The following CLCN6 variants were observed in gnomAD, a reference collection of about 807,000 sequenced individuals.
The protein encoded by CLCN6 is H(+)/Cl(-) exchange transporter 6.
CLCN6 carries 70 observed loss-of-function variants against 109.8 expected under a neutral mutation model. The ratio of observed to expected loss-of-function variants is 0.64; its 90% CI spans 0.53 to 0.78. The LOEUF (loss-of-function observed/expected upper bound fraction) is 0.78. CLCN6 is among the 30% of genes least tolerant of loss of function. The pLI is 0.00. For missense variants in CLCN6, 984 were observed against 1,142.3 expected, an observed-to-expected ratio of 0.86 and a Z score of 2.00; for synonymous variants, 444 against 447.8, an observed-to-expected ratio of 0.99 and a Z score of 0.11.
At chr1:11,825,526 C>G (rs1368887322) in intron 8 of CLCN6, among the ~76,000 whole-genome samples, 1 of 152,228 alleles carries the variant, frequency 6.6e-6, no homozygotes, top group Non-Finnish European at 1.5e-5. Context: ...CTTGTTGACT[C>G]TGCACAAAAT....
At position 11,834,084 on chromosome 1, in the gene CLCN6, G is replaced by T. The variant is rs115563697; in HGVS notation, c.1526+54G>T. Reference sequence around the variant, plus strand: ...CATGTGCATGTGTGTGCACGTGTGCGTGTGTATGCATGTGTGTGCGTGTGC... The same window carrying T: ...CATGTGCATGTGTGTGCACGTGTGCTTGTGTATGCATGTGTGTGCGTGTGC... On this transcript the variant is annotated intron_variant, in intron 15 of 22. Coordinates refer to ENST00000346436, the MANE Select transcript of CLCN6 (RefSeq NM_001286.5). This position sits in a 1 kb window ranked among gnomAD's most constrained non-coding sequence, Gnocchi z 4.5. 1 of 1,602,140 alleles carries T rather than the reference G, an allele frequency of 6.2e-7. No homozygotes were observed. The highest frequency in any genetic ancestry group is 8.5e-7 in the Non-Finnish European group (1 of 1,174,054).
In CLCN6 at chr1:11,840,665, A is replaced by G. The variant is rs535238461; in HGVS notation, c.*442A>G. 3 of 245,732 alleles carry G rather than the reference A, an allele frequency of 1.2e-5. No homozygotes were observed. In the East Asian group the frequency reaches 2.7e-4, roughly 22 times the overall value. The allele number at this position is 245,732 out of a possible 1,614,324, so 15.2% of individuals were successfully genotyped here. ...GCTGGGGAGATGCCAGTGACAACAT[A>G]CAGTTCATGACTAGGTTTAGGAATT... On this transcript the variant is annotated 3_prime_UTR_variant, in exon 23 of 23. Transcript: ENST00000346436.
chr1:11,824,991 G>T (rs1162991553), intron 8 of CLCN6, among the ~76,000 whole-genome samples: 1 of 152,174 alleles, frequency 6.6e-6, no homozygotes, highest in Non-Finnish European at 1.5e-5. Flanking sequence ...TGTGCCAGAC[G>T]CCATGTATAC....
chr1:11,818,357 C>T (rs1373564127), intron 4 of CLCN6, among the ~76,000 whole-genome samples: 1 of 151,978 alleles, frequency 6.6e-6, no homozygotes, highest in African/African-American at 2.4e-5. Flanking sequence ...TACTCATTGG[C>T]GCATTCAGAT....
chr1:11,829,635 TGGCGTCACAGAGGGGAACCTGGG>T, intron 13 of CLCN6, among the ~76,000 whole-genome samples: 1 of 139,866 alleles, frequency 7.1e-6, no homozygotes, highest in African/African-American at 2.8e-5. Flanking sequence ...GGAACAACCC[TGGCGTCACAGAGGGGAACCTGGG>T]AACAACCCTG....
In CLCN6 at chr1:11,816,493, T is replaced by A. The variant is rs1644674062; in HGVS notation, c.214-122T>A. The A allele has an allele frequency of 3.5e-6, 3 of 867,640 alleles. No individual in the cohort carries two copies. The Admixed American group carries it at 6.6e-5, about 19-fold the overall frequency. 53.7% of individuals were successfully genotyped at this position (867,640 alleles called of 1,614,324 possible). A position where few individuals can be genotyped will look rare whatever the true frequency, so the allele number is the denominator to read the frequency against. On this transcript the variant is annotated intron_variant, in intron 3 of 22. Coordinates refer to ENST00000346436, the MANE Select transcript of CLCN6 (RefSeq NM_001286.5). ...CTGTAAAGCACCTGAAATCCCAACA[T>A]CATCTTTACTGTGCCTGCTCTCCAC...
intron 4 of CLCN6, 63 bp from the exon 5 acceptor site, chr1:11,819,425 C>A: frequency 6.9e-7 from 1 of 1,444,090 alleles, no homozygotes; most frequent in Non-Finnish European, 9.8e-7. Flanking sequence ...AGGAGCACAC[C>A]TGTACTATAC....
rs745834239 is a variant in CLCN6 at position 11,807,186 on chromosome 1, A to G, written c.143A>G (p.Tyr48Cys). The change falls in exon 2 of 23, where the codon TAT becomes TGT. Residue 48 changes from tyrosine (Y) to cysteine (C), a missense_variant. By Grantham distance (194) the Tyr-to-Cys change is radical (BLOSUM62 -2). Coordinates refer to ENST00000346436, the MANE Select transcript of CLCN6 (RefSeq NM_001286.5). ...EEDEILPRKD[Y>C]ESLDYDRCIN... ...GATGAGATTCTTCCAAGGAAAGACT[A>G]TGAGGTGAGCTCCTTTGATACTGCT... 5 of 1,613,938 alleles carry G rather than the reference A, an allele frequency of 3.1e-6. No individual in the cohort carries two copies. The African/African-American group carries it at 5.3e-5, about 17-fold the overall frequency.
At chr1:11,836,452 C>T (rs1557434203) in intron 18 of CLCN6, among the ~76,000 whole-genome samples, 2 of 152,114 alleles carry the variant, frequency 1.3e-5, no homozygotes, top group Non-Finnish European at 2.9e-5. Flanking sequence ...CTAGAGATGC[C>T]AGCAACAGAA....
Position 11,806,298 on chromosome 1 carries a change from C to A in CLCN6, c.36C>A (p.Cys12Ter). Residue 12 changes from cysteine (C) to a stop codon, truncating the protein, a stop_gained, in exon 1 of 23, where the codon TGC (cysteine) becomes TGA (stop). Transcript: ENST00000346436. LOFTEE classifies it high-confidence loss of function. The stretch of plus-strand genomic sequence containing the variant: ...GCAGGGGGTCTCTGTGCTGCTGCTG[C>A]AGGTGGTGCTGCTGCTGCGGTGAGC... ...AGCRGSLCCC[C>*]RWCCCCGERE... The A allele has an allele frequency of 6.6e-7, 1 of 1,510,106 alleles. No individual in the cohort carries two copies. The highest frequency in any genetic ancestry group is 1.3e-5 in the South Asian group (1 of 74,886). 93.5% of individuals were successfully genotyped at this position (1,510,106 alleles called of 1,614,324 possible). A position where few individuals can be genotyped will look rare whatever the true frequency, so the allele number is the denominator to read the frequency against.
intron 2 of CLCN6, among the ~76,000 whole-genome samples, chr1:11,810,458 C>T (rs1482042660): frequency 6.6e-6 from 1 of 152,180 alleles, no homozygotes. Flanking sequence ...ACCCCTAGCT[C>T]ACAACCAGTT....
rs769197673 is a variant in CLCN6, at chr1:11,840,239, T to A, written c.*16T>A. The A allele has an allele frequency of 6.2e-7, 1 of 1,607,616 alleles. No individual in the cohort carries two copies. The highest frequency in any genetic ancestry group is 8.5e-7 in the Non-Finnish European group (1 of 1,176,982). ...GACCATCTGACAGCCCAGCCCACCCTCTCCTGGTGCTGCCTGGGGAGGCAA... is the reference window on the plus strand; with the variant it reads ...GACCATCTGACAGCCCAGCCCACCCACTCCTGGTGCTGCCTGGGGAGGCAA... On this transcript the variant is annotated 3_prime_UTR_variant, in exon 23 of 23. Coordinates refer to ENST00000346436, the MANE Select transcript of CLCN6 (RefSeq NM_001286.5).
At chr1:11,812,257 A>G (rs560371519) in intron 2 of CLCN6, among the ~76,000 whole-genome samples, 1 of 152,340 alleles carries the variant, frequency 6.6e-6, no homozygotes, top group African/African-American at 2.4e-5. Context: ...TTGCTAGTTT[A>G]TTAATAAAGG....
In CLCN6 at chr1:11,827,174, C is replaced by G. The variant is rs1158510868; in HGVS notation, c.793C>G (p.Leu265Val). ...GCCAATCGGGGGTACCTTGTTCAGT[C>G]TAGAGGAGGGTTCGTCCTTCTGGAA... is the stretch of plus-strand genomic sequence containing the variant. ...GAPIGGTLFS[L>V]EEGSSFWNQG... Residue 265 changes from leucine to valine, a missense_variant, in exon 10 of 23, where the codon CTA becomes GTA. Transcript: ENST00000346436. 3 of 1,613,716 alleles carry G rather than the reference C, an allele frequency of 1.9e-6. No individual in the cohort carries two copies. The highest frequency in any genetic ancestry group is 2.5e-6 in the Non-Finnish European group (3 of 1,179,846).
At position 11,834,249 on chromosome 1, in the gene CLCN6, G is replaced by C. The variant is rs774130337; in HGVS notation, c.1540G>C (p.Gly514Arg). Reference protein sequence around the residue: ...ANVLKSYIGLGHIYSGTFALI... With the variant: ...ANVLKSYIGLRHIYSGTFALI... ...TTCCTTCACTAGCTACATTGGATTG[G>C]GCCACATCTATTCGGGGACCTTTGC... is the stretch of plus-strand genomic sequence containing the variant. The change falls in exon 16 of 23, where the codon GGC becomes CGC. Residue 514 changes from glycine to arginine, a missense_variant. Coordinates refer to ENST00000346436, the MANE Select transcript of CLCN6 (RefSeq NM_001286.5). The surrounding 1 kb of genome is among the most constrained non-coding windows in gnomAD (Gnocchi z 4.5). 3 of 1,613,560 alleles carry C rather than the reference G, an allele frequency of 1.9e-6. No homozygotes were observed. In the African/African-American group the frequency reaches 4.0e-5, roughly 22 times the overall value.
rs530922728 is a variant in CLCN6, at chr1:11,831,863, C to T, written c.1249-1652C>T. On this transcript the variant is annotated intron_variant, in intron 13 of 22. Coordinates refer to ENST00000346436, the MANE Select transcript of CLCN6 (RefSeq NM_001286.5). ...CACATCCAGCTTATTTTTATAGAGA[C>T]AGGATCTCACTATGTTGCCCAGGCT... is the stretch of plus-strand genomic sequence containing the variant. 1.7e-3 allele frequency among the ~76,000 whole-genome samples: 257 copies of T among 152,184 alleles called. 3 individuals are homozygous for T. Among genetic ancestry groups the T allele is most frequent in the Admixed American group, 2.4e-3 (36 of 15,284 alleles).
At position 11,806,284 on chromosome 1, in the gene CLCN6, C is replaced by A; in HGVS notation, c.22C>A (p.Leu8Met). 1 of 1,502,426 alleles carries A rather than the reference C, an allele frequency of 6.7e-7. No homozygotes were observed. Among genetic ancestry groups the A allele is most frequent in the Non-Finnish European group, 8.8e-7 (1 of 1,135,988 alleles). 93.1% of individuals were successfully genotyped at this position (1,502,426 alleles called of 1,614,324 possible). A position where few individuals can be genotyped will look rare whatever the true frequency, so the allele number is the denominator to read the frequency against. The change falls in exon 1 of 23, where the codon CTG becomes ATG. Residue 8 changes from leucine (L) to methionine (M), a missense_variant. Coordinates refer to ENST00000346436, the MANE Select transcript of CLCN6 (RefSeq NM_001286.5). Reference protein sequence around the residue: MAGCRGSLCCCCRWCCCC... With the variant: MAGCRGSMCCCCRWCCCC... Reference sequence around the variant, plus strand: ...GAAGATGGCGGGGTGCAGGGGGTCTCTGTGCTGCTGCTGCAGGTGGTGCTG... The same window carrying A: ...GAAGATGGCGGGGTGCAGGGGGTCTATGTGCTGCTGCTGCAGGTGGTGCTG...
At chr1:11,822,990 A>G (rs1644765082) in intron 6 of CLCN6, among the ~76,000 whole-genome samples, 189 bp downstream of exon 6, 4 of 152,206 alleles carry the variant, frequency 2.6e-5, no homozygotes, top group African/African-American at 4.8e-5. Context: ...GGTGATGCTC[A>G]TTCACAGGGA....
chr1:11,828,706 G>A (rs1644844459), intron 12 of CLCN6, 82 bp downstream of exon 12: 9 of 1,381,066 alleles, frequency 6.5e-6, no homozygotes, highest in African/African-American at 2.9e-5. Context: ...CCCGAGGAGC[G>A]GACCCTGCCT....
Sources: allele counts gnomAD v4.1 joint callset (sites outside exome capture counted in the v4.1 genomes callset), GRCh38; gene constraint gnomAD v4.1.1; non-coding constraint Gnocchi (gnomAD v3.1); transcripts MANE v1.5; gene names NCBI Gene and HGNC (gene_info 2026-07-23, HGNC 2026-07-21).